GRIA4: variants seen among roughly 807,000 people sequenced by gnomAD.
GRIA4 encodes glutamate receptor 4.
GRIA4 carries 34 observed loss-of-function variants against 104.0 expected under a neutral mutation model. The ratio of observed to expected loss-of-function variants is 0.33; its 90% confidence interval spans 0.25 to 0.44. The LOEUF is 0.44. Among genes scored for constraint, GRIA4 ranks in the 20% least tolerant of loss-of-function variants. The pLI, the probability that GRIA4 is intolerant of heterozygous loss-of-function variation, is 1.00. For synonymous variants in GRIA4, 386 were observed against 381.9 expected (o/e 1.01, Z -0.13); for missense variants, 750 against 1,096.5 (o/e 0.68, Z 4.46).
At chr11:105,963,012 A>G (rs946159743) in intron 14 of GRIA4, among the ~76,000 whole-genome samples, 4 of 152,116 alleles carry the variant, frequency 2.6e-5, no homozygotes, top group Non-Finnish European at 5.9e-5. Flanking sequence ...TGTGACATCA[A>G]TTTTGAAGTC....
At chr11:105,865,609 C>T (rs575681435) in intron 5 of GRIA4, among the ~76,000 whole-genome samples, 30 of 152,078 alleles carry the variant, frequency 2.0e-4, no homozygotes, top group Admixed American at 6.6e-4. Context: ...TCAAAAGAAC[C>T]GTTTCATATC....
At chr11:105,678,752 A>G (rs1952620436) in intron 3 of GRIA4, among the ~76,000 whole-genome samples, 1 of 152,150 alleles carries the variant, frequency 6.6e-6, no homozygotes, top group African/African-American at 2.4e-5. Context: ...AACTCTGAAT[A>G]AGTTATTCCA....
chr11:105,638,535 GTGTA>G (rs1036978718), intron 3 of GRIA4, among the ~76,000 whole-genome samples: 26 of 91,612 alleles, frequency 2.8e-4, no homozygotes, highest in Non-Finnish European at 3.2e-4. Context: ...CGAGGTGCGC[GTGTA>G]TGTGTGTGTG....
chr11:105,943,457 G>A (rs1948230579), intron 14 of GRIA4, among the ~76,000 whole-genome samples: 1 of 151,966 alleles, frequency 6.6e-6, no homozygotes, highest in Non-Finnish European at 1.5e-5. Context: ...TCCATATCTA[G>A]GTATGATTTT....
At chr11:105,817,940 C>G (rs1443536320) in intron 4 of GRIA4, among the ~76,000 whole-genome samples, 1 of 151,960 alleles carries the variant, frequency 6.6e-6, no homozygotes, top group Non-Finnish European at 1.5e-5. Flanking sequence ...AAGCAAGCAC[C>G]TACACAAAGC....
chr11:105,809,496 CAT>C (rs1428082167), intron 4 of GRIA4, among the ~76,000 whole-genome samples: 1 of 152,112 alleles, frequency 6.6e-6, no homozygotes. Flanking sequence ...GTAATTCTCA[CAT>C]GTCAAAGGAG....
intron 14 of GRIA4, among the ~76,000 whole-genome samples, chr11:105,968,831 C>T (rs1466234968): frequency 6.6e-6 from 1 of 152,270 alleles, no homozygotes; most frequent in South Asian, 2.1e-4. Flanking sequence ...ATGTATTCTC[C>T]ACTTTGGTTA....
rs1055768038 is a variant in GRIA4 at position 105,931,470 on chromosome 11, G to A, written c.2047-2252G>A. Among the ~76,000 whole-genome samples, 12 of 151,958 alleles carry A rather than the reference G, an allele frequency of 7.9e-5. 1 individual carries two copies. Among genetic ancestry groups the A allele is most frequent in the South Asian group, 6.2e-4 (3 of 4,818 alleles). The stretch of plus-strand genomic sequence containing the variant: ...TGAAATCCTAACACTTTGGGAGGCC[G>A]AGGCGGTGGATTACCTGAGCTCAGG... On this transcript the variant is annotated intron_variant, in intron 13 of 16. Coordinates refer to ENST00000282499, the MANE Select transcript of GRIA4 (RefSeq NM_000829.4).
In GRIA4 at chr11:105,887,542, TA is replaced by T; in HGVS notation, c.699del (p.Gly234AlafsTer39). On this transcript the variant is annotated frameshift_variant, in exon 6 of 17. Transcript: ENST00000282499. LOFTEE classifies it high-confidence loss of function. The stretch of plus-strand genomic sequence containing the variant: ...AGATTGTAAGTGTTGGAAAGCATGT[TA>T]AAGGCTACCATTATATCATTGCAAA... ...EQIVSVGKHVKGYHYIIANLG... is the reference protein window; with the variant it reads ...EQIVSVGKHVXGYHYIIANLG... 1.4e-6 allele frequency: 2 copies of T among 1,463,666 alleles called. No individual in the cohort carries two copies. Among genetic ancestry groups the T allele is most frequent in the Non-Finnish European group, 1.9e-6 (2 of 1,052,594 alleles). 90.7% of individuals were successfully genotyped at this position (1,463,666 alleles called of 1,614,324 possible). A position where few individuals can be genotyped will look rare whatever the true frequency, so the allele number is the denominator to read the frequency against.
intron 3 of GRIA4, among the ~76,000 whole-genome samples, chr11:105,621,862 T>G (rs1045512804): frequency 1.3e-5 from 2 of 152,014 alleles, no homozygotes. Context: ...CAGTGACGAT[T>G]ATCAGTTTTT....
At chr11:105,624,037 A>G (rs1266776597) in intron 3 of GRIA4, among the ~76,000 whole-genome samples, 3 of 152,114 alleles carry the variant, frequency 2.0e-5, no homozygotes, top group Non-Finnish European at 2.9e-5. Flanking sequence ...TTATCGAAAA[A>G]TCAAGTAAAG....
intron 3 of GRIA4, among the ~76,000 whole-genome samples, chr11:105,740,009 T>G (rs1234695180): frequency 2.6e-5 from 4 of 152,170 alleles, no homozygotes; most frequent in African/African-American, 7.2e-5. Context: ...TTCTAGGCTC[T>G]ACATTGCCAG....
Position 105,903,933 on chromosome 11 carries a change from T to C in GRIA4, c.1005T>C (p.Pro335=). 6.2e-7 allele frequency: 1 copy of C among 1,613,538 alleles called. No individual in the cohort carries two copies. Among genetic ancestry groups the C allele is most frequent in the Non-Finnish European group, 8.5e-7 (1 of 1,179,492 alleles). ...ATGCTGGGGATTGTCTGGCAAATCC[T>C]GCTGCTCCATGGGGCCAGGGAATTG... is the stretch of plus-strand genomic sequence containing the variant. ...RGNAGDCLAN[P]AAPWGQGIDM... is the part of the protein sequence containing the mutation. Residue 335 remains proline (P), a synonymous_variant, in exon 8 of 17, where the codon CCT becomes CCC. Coordinates refer to ENST00000282499, the MANE Select transcript of GRIA4 (RefSeq NM_000829.4).
At chr11:105,611,918 T>C (rs1009370582) in intron 2 of GRIA4, among the ~76,000 whole-genome samples, 2 of 152,214 alleles carry the variant, frequency 1.3e-5, no homozygotes, top group African/African-American at 4.8e-5. Context: ...TTCCGTATTT[T>C]AATGTAAATC....
chr11:105,631,473 A>C (rs1197141234), intron 3 of GRIA4, among the ~76,000 whole-genome samples: 1 of 152,194 alleles, frequency 6.6e-6, no homozygotes, highest in Non-Finnish European at 1.5e-5. Context: ...CCCAGATTAG[A>C]CTCAACAACT....
At chr11:105,781,538 C>A (rs528626057) in intron 4 of GRIA4, among the ~76,000 whole-genome samples, 80 of 152,130 alleles carry the variant, frequency 5.3e-4, no homozygotes, top group African/African-American at 1.9e-3. Context: ...TTCTGGGGTA[C>A]ATTTTATTTT....
intron 3 of GRIA4, among the ~76,000 whole-genome samples, chr11:105,746,810 G>A (rs1436004833): frequency 6.6e-6 from 1 of 152,062 alleles, no homozygotes; most frequent in Non-Finnish European, 1.5e-5. Flanking sequence ...TAGACAACAG[G>A]AGCAGGTACT....
chr11:105,733,355 A>G (rs2135620136), intron 3 of GRIA4, among the ~76,000 whole-genome samples: 1 of 152,340 alleles, frequency 6.6e-6, no homozygotes, highest in South Asian at 2.1e-4. Context: ...GTAGACATTA[A>G]TAGACTTCTA....
At chr11:105,919,399 C>T (rs1429483218) in intron 11 of GRIA4, among the ~76,000 whole-genome samples, 1 of 151,988 alleles carries the variant, frequency 6.6e-6, no homozygotes, top group Non-Finnish European at 1.5e-5. Flanking sequence ...TTACTTTATC[C>T]TCTATTAAAT....
Sources: gnomAD v4.1 joint callset for allele counts (sites outside exome capture counted in the v4.1 genomes callset) on GRCh38, gnomAD v4.1.1 for gene constraint, MANE v1.5 for transcripts, NCBI Gene and HGNC (gene_info 2026-07-23, HGNC 2026-07-21) for gene names.